The following RBM5 variants were observed in gnomAD, a reference collection of about 807,000 sequenced individuals.
RBM5 encodes RNA binding motif protein 5.
RBM5 carries 15 observed loss-of-function variants against 124.6 expected under a neutral mutation model. The observed-to-expected ratio is 0.12, with a 90% CI of 0.08 to 0.19. The LOEUF (loss-of-function observed/expected upper bound fraction) is 0.19, where lower values mean the gene tolerates loss of function less well. Ranked by LOEUF, RBM5 falls within the 10% of genes least tolerant of loss-of-function variation. The probability of loss-of-function intolerance (pLI) is 1.00; values close to 1 mark genes in which losing one functional copy is unlikely to be tolerated. For synonymous variants in RBM5, 337 were observed against 361.2 expected, an observed-to-expected ratio of 0.93 and a Z score of 0.76; for missense variants, 580 against 1,026.5, an observed-to-expected ratio of 0.57 and a Z score of 5.94.
chr3:50,110,653 C>G lies in RBM5; in HGVS notation c.1364-26C>G, dbSNP rs946317797. On this transcript the variant is annotated intron_variant, in intron 16 of 24. Coordinates refer to ENST00000347869, the MANE Select transcript of RBM5 (RefSeq NM_005778.4). ...AAAGCCAATTTCTTACCTGGAATGA[C>G]TGTATGCTGGATTTTGTTTTTGCAG... is the stretch of plus-strand genomic sequence containing the variant. 1.9e-6 allele frequency: 3 copies of G among 1,582,340 alleles called. No individual in the cohort carries two copies. The African/African-American group carries it at 4.0e-5, about 21-fold the overall frequency.
chr3:50,090,601 T>G, intron 2 of RBM5, 150 bp downstream of exon 2: 1 of 878,592 alleles, frequency 1.1e-6, no homozygotes, highest in Non-Finnish European at 1.8e-6. Context: ...CAAACTACAG[T>G]CTAGTGAGAG....
intron 24 of RBM5, 61 bp from the exon 25 acceptor site, chr3:50,118,270 T>A (rs983503201): frequency 2.5e-6 from 4 of 1,601,504 alleles, no homozygotes; most frequent in Non-Finnish European, 2.6e-6. Context: ...GGAGTGGGCA[T>A]GGTGAGAGGT....
intron 17 of RBM5, among the ~76,000 whole-genome samples, chr3:50,111,187 A>G (rs1167448845): frequency 6.6e-6 from 1 of 152,226 alleles, no homozygotes; most frequent in African/African-American, 2.4e-5. Flanking sequence ...TTATGGAAAG[A>G]CCTAGCTAGA....
At chr3:50,093,440 C>CA (rs575148089) in intron 3 of RBM5, among the ~76,000 whole-genome samples, 1,045 of 88,436 alleles carry the variant, frequency 0.012, no homozygotes, top group African/African-American at 0.026. Context: ...GAAACTGTCT[C>CA]AAAAAAAAAA....
chr3:50,093,438 C>T (rs2090745520), intron 3 of RBM5, among the ~76,000 whole-genome samples: 1 of 145,270 alleles, frequency 6.9e-6, no homozygotes, highest in Non-Finnish European at 1.5e-5. Context: ...GTGAAACTGT[C>T]TCAAAAAAAA....
chr3:50,103,008 G>A (rs545049773), intron 6 of RBM5, 75 bp from the exon 7 acceptor site: 5 of 1,205,664 alleles, frequency 4.1e-6, no homozygotes, highest in African/African-American at 3.0e-5. Context: ...TGATTTTTCC[G>A]AAGTGTGCTC....
chr3:50,095,591 TTGCTC>T (rs907288366), intron 4 of RBM5, among the ~76,000 whole-genome samples: 1 of 151,820 alleles, frequency 6.6e-6, no homozygotes, highest in African/African-American at 2.4e-5. Flanking sequence ...GACATGTCCA[TTGCTC>T]TACTGTTGTG....
intron 24 of RBM5, chr3:50,118,063 T>G: frequency 2.0e-6 from 1 of 501,196 alleles, no homozygotes; most frequent in Non-Finnish European, 3.6e-6. Flanking sequence ...AGAGGAATAC[T>G]TTGGGGCCCT....
At position 50,117,397 on chromosome 3, in the gene RBM5, G is replaced by A; in HGVS notation, c.2322+18G>A. 1.9e-6 allele frequency: 3 copies of A among 1,612,830 alleles called. No homozygotes were observed. Among genetic ancestry groups the A allele is most frequent in the Non-Finnish European group, 2.5e-6 (3 of 1,179,602 alleles). On this transcript the variant is annotated intron_variant, in intron 24 of 24. Transcript: ENST00000347869. The surrounding 1 kb of genome is among the most constrained non-coding windows in gnomAD (Gnocchi z 4.2). ...CCATTGAGGTAAGCAGTGGGGTCAG[G>A]TCTTGATGTTTGCCAGGCTTACAGG... is the stretch of plus-strand genomic sequence containing the variant.
At chr3:50,102,962 T>G in intron 6 of RBM5, 121 bp from the exon 7 acceptor site, 1 of 761,154 alleles carries the variant, frequency 1.3e-6, no homozygotes, top group Non-Finnish European at 2.3e-6. Flanking sequence ...CGGTGGTTGG[T>G]CCTCCCCGTA....
chr3:50,111,028 T>C, intron 17 of RBM5: 1 of 475,596 alleles, frequency 2.1e-6, no homozygotes, highest in Non-Finnish European at 3.7e-6. Context: ...TTTATACATG[T>C]CTATACATTT....
In RBM5 at chr3:50,105,236, GTC is replaced by G; in HGVS notation, c.694+98_694+99del. The G allele has an allele frequency of 5.5e-6, 6 of 1,085,578 alleles. No homozygotes were observed. The South Asian group carries it at 5.9e-5, about 11-fold the overall frequency. The allele number at this position is 1,085,578 out of a possible 1,614,324, so 67.2% of individuals were successfully genotyped here. On this transcript the variant is annotated intron_variant, in intron 9 of 24. Coordinates refer to ENST00000347869, the MANE Select transcript of RBM5 (RefSeq NM_005778.4). ...ATCCTGGCTAACACGGTGAAACCCT[GTC>G]TCTACTAAAAATACAAAAAATTAGC...
chr3:50,106,971 C>T, intron 11 of RBM5, 107 bp downstream of exon 11: 1 of 956,038 alleles, frequency 1.0e-6, no homozygotes, highest in East Asian at 2.5e-5. Context: ...ACACTGTGAT[C>T]CTCCCTGATT....
intron 14 of RBM5, 46 bp downstream of exon 14, chr3:50,108,350 G>A (rs1399887137): frequency 2.0e-6 from 3 of 1,493,240 alleles, no homozygotes; most frequent in Non-Finnish European, 2.8e-6. Context: ...AGCACTTACA[G>A]TTGAAGAAAT....
chr3:50,102,873 C>T (rs2090967118), intron 6 of RBM5: 2 of 539,010 alleles, frequency 3.7e-6, no homozygotes, highest in South Asian at 2.2e-5. Flanking sequence ...CTCAGCACTC[C>T]CTGACTCCGT....
At chr3:50,113,248 G>C (rs1252112992) in intron 17 of RBM5, 135 bp from the exon 18 acceptor site, 2 of 790,960 alleles carry the variant, frequency 2.5e-6, no homozygotes, top group Admixed American at 3.0e-5. Flanking sequence ...CTTATACCAA[G>C]GTGTGCCCAG....
In RBM5 at chr3:50,111,788, G is replaced by C. The variant is rs6797308; in HGVS notation, c.1455+1018G>C. On this transcript the variant is annotated intron_variant, in intron 17 of 24. Coordinates refer to ENST00000347869, the MANE Select transcript of RBM5 (RefSeq NM_005778.4). ...TGAGGGTAGAATTTAGCAGATGTAT[G>C]GAGTGATGTTTTATTTTTGGTGGCA... is the stretch of plus-strand genomic sequence containing the variant. 6.5e-3 allele frequency among the ~76,000 whole-genome samples: 985 copies of C among 152,274 alleles called. 10 individuals carry two copies. The highest frequency in any genetic ancestry group is 0.022 in the African/African-American group (931 of 41,548).
chr3:50,107,281 A>G (rs1384597570), intron 11 of RBM5, among the ~76,000 whole-genome samples: 3 of 152,240 alleles, frequency 2.0e-5, no homozygotes, highest in Admixed American at 1.3e-4. Context: ...GTTAGATGGC[A>G]GGTTACAAGG....
Position 50,114,176 on chromosome 3 carries a change from C to T in RBM5, c.1768-4C>T, listed in dbSNP as rs541297349. On this transcript the variant is annotated splice_polypyrimidine_tract_variant and splice_region_variant and intron_variant, in intron 19 of 24. Coordinates refer to ENST00000347869, the MANE Select transcript of RBM5 (RefSeq NM_005778.4). ...AGTCTCATGGCTTGTCCTCTGTTTC[C>T]CAGGGAGCCTTAGCTGAAAGGCAGC... is the stretch of plus-strand genomic sequence containing the variant. The T allele has an allele frequency of 1.2e-6, 2 of 1,613,898 alleles. No individual in the cohort carries two copies. The highest frequency in any genetic ancestry group is 3.3e-5 in the Admixed American group (2 of 59,942).
Sources: gnomAD v4.1 joint callset for allele counts (sites outside exome capture counted in the v4.1 genomes callset) on GRCh38, gnomAD v4.1.1 for gene constraint, Gnocchi (gnomAD v3.1) non-coding constraint, MANE v1.5 for transcripts, NCBI Gene and HGNC (gene_info 2026-07-23, HGNC 2026-07-21) for gene names.